Variants in C7orf33 observed in about 807,000 individuals in gnomAD.
C7orf33 encodes chromosome 7 open reading frame 33, also known as uncharacterized protein C7orf33.
C7orf33 carries 15 observed loss-of-function variants against 13.4 expected under a neutral mutation model. The observed-to-expected ratio is 1.12, with a 90% CI of 0.75 to 1.72. The LOEUF is 1.72. Among genes scored for constraint, C7orf33 ranks in the 40% most tolerant of loss-of-function variants. The probability of loss-of-function intolerance (pLI) is 0.00; values close to 1 mark genes in which losing one functional copy is unlikely to be tolerated. For synonymous variants in C7orf33, 73 were observed against 83.2 expected, an observed-to-expected ratio of 0.88 and a Z score of 0.67; for missense variants, 187 against 220.3, an observed-to-expected ratio of 0.85 and a Z score of 0.96.
At chr7:148,604,968 AC>A (rs1383733948) in intron 1 of C7orf33, among the ~76,000 whole-genome samples, 2 of 152,368 alleles carry the variant, frequency 1.3e-5, no homozygotes, top group South Asian at 2.1e-4. Flanking sequence ...ACGGTGGCTC[AC>A]GCCTGTACTC....
In C7orf33 at chr7:148,601,857, C is replaced by T. The variant is rs554293710; in HGVS notation, c.204+10728C>T. Among the ~76,000 whole-genome samples, 38 of 152,264 alleles carry T rather than the reference C, an allele frequency of 2.5e-4. 1 individual carries two copies. The South Asian group carries it at 7.7e-3, about 31-fold the overall frequency. On this transcript the variant is annotated intron_variant, in intron 1 of 2. Coordinates refer to ENST00000307003, the MANE Select transcript of C7orf33 (RefSeq NM_145304.4). ...CGAACTCCTGGGCTCAAGTAATCCT[C>T]CCACCTCAGCCTCCTGAGTAGCTAC...
intron 1 of C7orf33, among the ~76,000 whole-genome samples, chr7:148,613,741 C>T (rs538716630): frequency 4.6e-5 from 7 of 152,258 alleles, no homozygotes; most frequent in South Asian, 2.1e-4. Flanking sequence ...ACAGTGGTGA[C>T]GGTTGCACAT....
At chr7:148,595,554 CAT>C (rs1452079010) in intron 1 of C7orf33, among the ~76,000 whole-genome samples, 7,868 of 122,530 alleles carry the variant, frequency 0.064, 401 homozygotes, top group Middle Eastern at 0.13. Flanking sequence ...TTATATATAA[CAT>C]ATAGCTATAT....
intron 1 of C7orf33, among the ~76,000 whole-genome samples, chr7:148,604,117 A>T (rs1355245254): frequency 1.5e-5 from 2 of 136,850 alleles, no homozygotes; most frequent in African/African-American, 6.3e-5. Context: ...AGGGACCATT[A>T]TTCTTTTTTT....
chr7:148,601,986 C>T (rs1022385662), intron 1 of C7orf33, among the ~76,000 whole-genome samples: 4 of 151,966 alleles, frequency 2.6e-5, no homozygotes, highest in Admixed American at 1.3e-4. Context: ...TGGCCTCAAG[C>T]GATCCTCCTC....
At chr7:148,593,232 T>C (rs1328546008) in intron 1 of C7orf33, among the ~76,000 whole-genome samples, 1 of 152,164 alleles carries the variant, frequency 6.6e-6, no homozygotes, top group Admixed American at 6.5e-5. Flanking sequence ...GTATTATTTT[T>C]CCAAAGCTCA....
chr7:148,595,544 T>G (rs62641073), intron 1 of C7orf33, among the ~76,000 whole-genome samples: 10,559 of 126,962 alleles, frequency 0.083, 610 homozygotes, highest in South Asian at 0.26. Flanking sequence ...TAGATCTGTA[T>G]TATATATAAC....
At chr7:148,597,754 GT>G (rs1491495378) in intron 1 of C7orf33, among the ~76,000 whole-genome samples, 1 of 151,758 alleles carries the variant, frequency 6.6e-6, no homozygotes, top group South Asian at 2.1e-4. Context: ...GTTTTGTTTT[GT>G]TTTGTTTTGT....
At chr7:148,594,348 TG>T (rs1796304553) in intron 1 of C7orf33, among the ~76,000 whole-genome samples, 1 of 152,044 alleles carries the variant, frequency 6.6e-6, no homozygotes, top group South Asian at 2.1e-4. Context: ...GCTAATTTTT[TG>T]TATTTTTTAG....
At chr7:148,596,612 G>A (rs1390864176) in intron 1 of C7orf33, among the ~76,000 whole-genome samples, 3 of 152,092 alleles carry the variant, frequency 2.0e-5, no homozygotes, top group Non-Finnish European at 4.4e-5. Flanking sequence ...GATCCCATGA[G>A]ACTTACTCAC....
At chr7:148,597,149 C>T in intron 1 of C7orf33, among the ~76,000 whole-genome samples, 1 of 151,030 alleles carries the variant, frequency 6.6e-6, no homozygotes, top group Non-Finnish European at 1.5e-5. Context: ...TTGTGAGGAC[C>T]TAAGTTTTCA....
At chr7:148,603,237 T>C (rs937888114) in intron 1 of C7orf33, among the ~76,000 whole-genome samples, 7 of 151,904 alleles carry the variant, frequency 4.6e-5, no homozygotes, top group African/African-American at 1.7e-4. Flanking sequence ...TTGCTCAGGA[T>C]GGGGGAAATC....
Position 148,614,175 on chromosome 7 carries a change from G to C in C7orf33, c.338G>C (p.Arg113Thr). 1 of 1,614,172 alleles carries C rather than the reference G, an allele frequency of 6.2e-7. No homozygotes were observed. The highest frequency in any genetic ancestry group is 8.5e-7 in the Non-Finnish European group (1 of 1,180,036). Residue 113 changes from arginine (R) to threonine (T), a missense_variant, in exon 2 of 3, where the codon AGG becomes ACG. By Grantham distance (71) the Arg-to-Thr change is moderately conservative. Coordinates refer to ENST00000307003, the MANE Select transcript of C7orf33 (RefSeq NM_145304.4). ...GATGCCCAGAGAGCAGTCAGAATCA[G>C]GCCAGGCACCAGGATGGGCTTGTCC... Reference protein sequence around the residue: ...PTDAQRAVRIRPGTRMGLSSD... With the variant: ...PTDAQRAVRITPGTRMGLSSD...
chr7:148,599,307 G>A (rs764776607), intron 1 of C7orf33, among the ~76,000 whole-genome samples: 1 of 151,868 alleles, frequency 6.6e-6, no homozygotes, highest in Non-Finnish European at 1.5e-5. Context: ...AACATTATAG[G>A]GCCTGAGACA....
chr7:148,601,063 A>T (rs1439634806), intron 1 of C7orf33, among the ~76,000 whole-genome samples: 1 of 151,868 alleles, frequency 6.6e-6, no homozygotes, highest in Non-Finnish European at 1.5e-5. Context: ...CAGCCTCCCA[A>T]AGTGCTGGGA....
intron 1 of C7orf33, 45 bp downstream of exon 1, chr7:148,591,174 T>A (rs749009030): frequency 1.4e-6 from 2 of 1,461,074 alleles, no homozygotes; most frequent in African/African-American, 1.4e-5. Context: ...TTTGAGTCAG[T>A]CAGTATCTCT....
At chr7:148,607,199 G>C (rs1021482421) in intron 1 of C7orf33, among the ~76,000 whole-genome samples, 4 of 152,130 alleles carry the variant, frequency 2.6e-5, no homozygotes, top group Non-Finnish European at 5.9e-5. Context: ...CAAGTAACCG[G>C]CAGATAAAAG....
At chr7:148,603,618 G>A (rs1421809612) in intron 1 of C7orf33, among the ~76,000 whole-genome samples, 2 of 152,142 alleles carry the variant, frequency 1.3e-5, no homozygotes, top group African/African-American at 2.4e-5. Flanking sequence ...GGCATCTATT[G>A]AAGTGAAAAG....
intron 1 of C7orf33, among the ~76,000 whole-genome samples, chr7:148,601,100 C>T (rs189882752): frequency 6.6e-6 from 1 of 152,152 alleles, no homozygotes; most frequent in East Asian, 1.9e-4. Flanking sequence ...CCGCGCCCGG[C>T]CTTATTGACT....
Sources: gnomAD v4.1 joint callset for allele counts (sites outside exome capture counted in the v4.1 genomes callset) on GRCh38, gnomAD v4.1.1 for gene constraint, MANE v1.5 for transcripts, NCBI Gene and HGNC (gene_info 2026-07-23, HGNC 2026-07-21) for gene names.